ABCG1: variants seen among roughly 807,000 people sequenced by gnomAD.
ABCG1 encodes ATP binding cassette subfamily G member 1.
In ABCG1, 29 loss-of-function variants were observed where a neutral mutation model predicts 69.2. That is an observed-to-expected ratio of 0.42 (90% CI 0.31 to 0.57). ABCG1 has a LOEUF of 0.57. ABCG1 is among the 20% of genes least tolerant of loss of function. ABCG1 has a pLI of 0.15. For synonymous variants in ABCG1, 370 were observed against 374.8 expected, an observed-to-expected ratio of 0.99 and a Z score of 0.15; for missense variants, 718 against 898.1, an observed-to-expected ratio of 0.80 and a Z score of 2.56.
rs995342930 is a variant in ABCG1 at position 42,273,611 on chromosome 21, G to A, written c.537+176G>A. ...GTTCTAACACCAGACTCGCTGTTGG[G>A]ACAGGCAGCATCATCCCAAAACCCC... On this transcript the variant is annotated intron_variant, in intron 4 of 14. Coordinates refer to ENST00000398449, the MANE Select transcript of ABCG1 (RefSeq NM_016818.3). This position sits in a 1 kb window ranked among gnomAD's most constrained non-coding sequence, Gnocchi z 5.3. Among the ~76,000 whole-genome samples, 2 of 152,204 alleles carry A rather than the reference G, an allele frequency of 1.3e-5. No homozygotes were observed. The highest frequency in any genetic ancestry group is 2.4e-5 in the African/African-American group (1 of 41,436).
At chr21:42,230,540 T>G (rs2067885630) in intron 2 of ABCG1, among the ~76,000 whole-genome samples, 1 of 152,160 alleles carries the variant, frequency 6.6e-6, no homozygotes, top group Non-Finnish European at 1.5e-5. Context: ...TCCTACAGAG[T>G]AGACACTATG....
At chr21:42,201,664 G>C in exon 2 of ABCG1, 2 of 1,609,566 alleles carry the variant, frequency 1.2e-6, no homozygotes, top group Non-Finnish European at 1.7e-6. Flanking sequence ...TCTGTGCCAG[G>C]AGCTGTTCTT....
chr21:42,248,652 C>T (rs551745186), intron 2 of ABCG1, among the ~76,000 whole-genome samples: 1 of 152,156 alleles, frequency 6.6e-6, no homozygotes, highest in South Asian at 2.1e-4. Flanking sequence ...CTTTAGGAGG[C>T]CGAGGCGGGT....
At chr21:42,257,738 G>T (rs548184152) in intron 2 of ABCG1, among the ~76,000 whole-genome samples, 2 of 152,288 alleles carry the variant, frequency 1.3e-5, no homozygotes, top group East Asian at 3.9e-4. Flanking sequence ...GCTTACACTG[G>T]CCACTGAACT....
intron 2 of ABCG1, among the ~76,000 whole-genome samples, chr21:42,237,055 T>C (rs540613888): frequency 2.6e-5 from 4 of 152,298 alleles, no homozygotes; most frequent in African/African-American, 9.6e-5. Flanking sequence ...CCTCCTCCCC[T>C]TCAGTTGTCA....
rs1049757025 is a variant in ABCG1 at position 42,288,808 on chromosome 21, G to A, written c.1224+496G>A. 3.3e-5 allele frequency among the ~76,000 whole-genome samples: 5 copies of A among 152,190 alleles called. No homozygotes were observed. Among genetic ancestry groups the A allele is most frequent in the Admixed American group, 3.3e-4 (5 of 15,286 alleles). ...AAAAGAAAGAAAGAAAGAAATGCCT[G>A]AGCCTGGGGAATTTATAAAGAAAAG... On this transcript the variant is annotated intron_variant, in intron 10 of 14. Coordinates refer to ENST00000398449, the MANE Select transcript of ABCG1 (RefSeq NM_016818.3). The surrounding 1 kb of genome is among the most constrained non-coding windows in gnomAD (Gnocchi z 4.8).
intron 14 of ABCG1, among the ~76,000 whole-genome samples, chr21:42,295,526 A>G (rs2069191660): frequency 6.6e-6 from 1 of 152,228 alleles, no homozygotes; most frequent in Non-Finnish European, 1.5e-5. Flanking sequence ...TGGCCCCACC[A>G]GGGGCAGCGC....
chr21:42,280,527 G>A lies in ABCG1; in HGVS notation c.589-1747G>A, dbSNP rs150922136. Among the ~76,000 whole-genome samples, 1,369 of 152,320 alleles carry A rather than the reference G, an allele frequency of 9.0e-3. 19 individuals are homozygous for A. Among genetic ancestry groups the A allele is most frequent in the African/African-American group, 0.031 (1,304 of 41,578 alleles). On this transcript the variant is annotated intron_variant, in intron 5 of 14. Transcript: ENST00000398449. ...GGCCTTGCAGGTTTTTTGTTTGTTTGTTTAGGGAAAATGTATAAATAACTG... is the reference window on the plus strand; with the variant it reads ...GGCCTTGCAGGTTTTTTGTTTGTTTATTTAGGGAAAATGTATAAATAACTG...
In ABCG1 at chr21:42,291,359, C is replaced by A; in HGVS notation, c.1495-139C>A. ...CTGACTTCGGGAGCTGTGGCGGGAGCTGTGGGGAGTGGGGAAGGACCCGAC... is the reference window on the plus strand; with the variant it reads ...CTGACTTCGGGAGCTGTGGCGGGAGATGTGGGGAGTGGGGAAGGACCCGAC... On this transcript the variant is annotated intron_variant, in intron 12 of 14. Coordinates refer to ENST00000398449, the MANE Select transcript of ABCG1 (RefSeq NM_016818.3). This position sits in a 1 kb window ranked among gnomAD's most constrained non-coding sequence, Gnocchi z 6.4. The A allele has an allele frequency of 8.0e-7, 1 of 1,253,516 alleles. No individual in the cohort carries two copies. The highest frequency in any genetic ancestry group is 1.1e-6 in the Non-Finnish European group (1 of 897,526). The allele number at this position is 1,253,516 out of a possible 1,614,324, so 77.6% of individuals were successfully genotyped here. A position where few individuals can be genotyped will look rare whatever the true frequency, so the allele number is the denominator to read the frequency against.
At position 42,273,363 on chromosome 21, in the gene ABCG1, C is replaced by G. The variant is rs1302768127; in HGVS notation, c.465C>G (p.Phe155Leu). The change falls in exon 4 of 15, where the codon TTC (phenylalanine) becomes TTG (leucine). Residue 155 changes from phenylalanine to leucine, a missense_variant. Physicochemically the swap from Phe to Leu is conservative, Grantham distance 22 (BLOSUM62 0). Around this residue, in one of 2 missense-constraint regions of ABCG1, gnomAD observed 514 missense variants for 574.3 expected, o/e 0.90. Coordinates refer to ENST00000398449, the MANE Select transcript of ABCG1 (RefSeq NM_016818.3). The surrounding 1 kb of genome is among the most constrained non-coding windows in gnomAD (Gnocchi z 5.3). ...GCCTGCCCCGGGACCTGCGCTGCTTCCGGAAGGTGTCCTGCTACATCATGC... is the reference window on the plus strand; with the variant it reads ...GCCTGCCCCGGGACCTGCGCTGCTTGCGGAAGGTGTCCTGCTACATCATGC... ...INGLPRDLRC[F>L]RKVSCYIMQD... 1 of 1,613,904 alleles carries G rather than the reference C, an allele frequency of 6.2e-7. No individual in the cohort carries two copies.
chr21:42,240,984 G>A (rs901919574), intron 2 of ABCG1, among the ~76,000 whole-genome samples: 1 of 152,274 alleles, frequency 6.6e-6, no homozygotes, highest in Non-Finnish European at 1.5e-5. Context: ...GGAGTTAGGA[G>A]GGAATTCAGG....
chr21:42,259,222 G>A lies in ABCG1; in HGVS notation c.287-11848G>A, dbSNP rs2068361709. 6 of 1,442,330 alleles carry A rather than the reference G, an allele frequency of 4.2e-6. No homozygotes were observed. The Admixed American group carries it at 1.1e-4, about 27-fold the overall frequency. The allele number at this position is 1,442,330 out of a possible 1,614,324, so 89.3% of individuals were successfully genotyped here. A position where few individuals can be genotyped will look rare whatever the true frequency, so the allele number is the denominator to read the frequency against. On this transcript the variant is annotated intron_variant, in intron 2 of 14. Coordinates refer to ENST00000398449, the MANE Select transcript of ABCG1 (RefSeq NM_016818.3). ...CCAGATGTCGCTGGTGCTGGGCTCAGCTCCAAAGTTCTGGAGCAGAGTCAG... is the reference window on the plus strand; with the variant it reads ...CCAGATGTCGCTGGTGCTGGGCTCAACTCCAAAGTTCTGGAGCAGAGTCAG...
intron 2 of ABCG1, chr21:42,259,521 C>G: frequency 6.5e-7 from 1 of 1,538,498 alleles, no homozygotes; most frequent in South Asian, 1.2e-5. Flanking sequence ...TTGACTGAGG[C>G]TGGCTGGCTG....
In ABCG1 at chr21:42,219,686, G is replaced by C; in HGVS notation, c.42+382G>C. The stretch of plus-strand genomic sequence containing the variant: ...GAGGGGCCGCAGCTTGGGCCGGAGG[G>C]AAGAGGGGACTTGAAGAAGGGGAGC... On this transcript the variant is annotated intron_variant, in intron 1 of 14. Coordinates refer to ENST00000398449, the MANE Select transcript of ABCG1 (RefSeq NM_016818.3). This position sits in a 1 kb window ranked among gnomAD's most constrained non-coding sequence, Gnocchi z 5.3. 2 of 772,454 alleles carry C rather than the reference G, an allele frequency of 2.6e-6. No homozygotes were observed. The highest frequency in any genetic ancestry group is 3.9e-6 in the Non-Finnish European group (2 of 511,232). 47.8% of individuals were successfully genotyped at this position (772,454 alleles called of 1,614,324 possible).
At position 42,276,968 on chromosome 21, in the gene ABCG1, A is replaced by G. The variant is rs2123753271; in HGVS notation, c.588+23A>G. The G allele has an allele frequency of 6.2e-7, 1 of 1,613,918 alleles. No homozygotes were observed. Among genetic ancestry groups the G allele is most frequent in the South Asian group, 1.1e-5 (1 of 91,070 alleles). On this transcript the variant is annotated intron_variant, in intron 5 of 14. Coordinates refer to ENST00000398449, the MANE Select transcript of ABCG1 (RefSeq NM_016818.3). The surrounding 1 kb of genome is among the most constrained non-coding windows in gnomAD (Gnocchi z 5.3). ...ATGGTAAGTGGGTTGTTTGGTGCCC[A>G]CAAGTGGTCCAGAAAGTGCATGACG...
chr21:42,247,425 C>T (rs1420812116), intron 2 of ABCG1, among the ~76,000 whole-genome samples: 1 of 152,186 alleles, frequency 6.6e-6, no homozygotes, highest in Non-Finnish European at 1.5e-5. Context: ...GAAAAGGCCA[C>T]AAAGAGGGGC....
chr21:42,230,839 A>G (rs1331728811), intron 2 of ABCG1, among the ~76,000 whole-genome samples: 1 of 152,324 alleles, frequency 6.6e-6, no homozygotes, highest in Middle Eastern at 3.4e-3. Context: ...AAGGATCTGC[A>G]CATTCTTCCT....
At chr21:42,248,497 C>A (rs2068167974) in intron 2 of ABCG1, among the ~76,000 whole-genome samples, 1 of 152,164 alleles carries the variant, frequency 6.6e-6, no homozygotes, top group South Asian at 2.1e-4. Flanking sequence ...CCCTCTGTGG[C>A]CCAGCATTTT....
In ABCG1 at chr21:42,287,833, G is replaced by A; in HGVS notation, c.974-56G>A. 2 of 1,495,208 alleles carry A rather than the reference G, an allele frequency of 1.3e-6. No individual in the cohort carries two copies. Among genetic ancestry groups the A allele is most frequent in the Non-Finnish European group, 1.8e-6 (2 of 1,116,248 alleles). The allele number at this position is 1,495,208 out of a possible 1,614,324, so 92.6% of individuals were successfully genotyped here. ...CTTGAATAACGACTTTCGCATTTGG[G>A]TGGTTGGGGTGTCCTTCCTGGAGCC... On this transcript the variant is annotated intron_variant, in intron 8 of 14. Transcript: ENST00000398449. The surrounding 1 kb of genome is among the most constrained non-coding windows in gnomAD (Gnocchi z 6.2).
Sources: allele counts gnomAD v4.1 joint callset (sites outside exome capture counted in the v4.1 genomes callset), GRCh38; gene constraint gnomAD v4.1.1; regional missense constraint gnomAD v4.1.1; non-coding constraint Gnocchi (gnomAD v3.1); transcripts MANE v1.5; gene names NCBI Gene and HGNC (gene_info 2026-07-23, HGNC 2026-07-21).